The following LAMA5 variants were observed in gnomAD, a reference collection of about 807,000 sequenced individuals.
LAMA5 encodes the protein laminin subunit alpha 5.
Under a neutral mutation model 433.4 loss-of-function variants are expected in LAMA5, and 260 were observed. That is an observed-to-expected ratio of 0.60 (90% confidence interval 0.54 to 0.66). LAMA5 has a LOEUF of 0.66. Ranked by LOEUF, LAMA5 falls within the 30% of genes least tolerant of loss-of-function variation. The pLI, the probability that LAMA5 is intolerant of heterozygous loss-of-function variation, is 0.00. For synonymous variants in LAMA5, 2,620 were observed against 2,226.6 expected, an observed-to-expected ratio of 1.18 and a Z score of -4.97; for missense variants, 5,378 against 5,258.5, an observed-to-expected ratio of 1.02 and a Z score of -0.70.
Position 62,367,253 on chromosome 20 carries a change from G to T in LAMA5, c.-8C>A. On this transcript the variant is annotated 5_prime_UTR_variant, in exon 1 of 80. Coordinates refer to ENST00000252999, the MANE Select transcript of LAMA5 (RefSeq NM_005560.6). The stretch of plus-strand genomic sequence containing the variant: ...GCAGAGCCGCTTCGCCATCTTCCCG[G>T]CTCCGGGCCGCGTCCCCGAGCTCCA... The T allele has an allele frequency of 8.6e-7, 1 of 1,165,596 alleles. No individual in the cohort carries two copies. The highest frequency in any genetic ancestry group is 4.1e-5 in the East Asian group (1 of 24,124). The allele number at this position is 1,165,596 out of a possible 1,614,324, so 72.2% of individuals were successfully genotyped here. A position where few individuals can be genotyped will look rare whatever the true frequency, so the allele number is the denominator to read the frequency against.
In LAMA5 at chr20:62,316,303, G is replaced by C. The variant is rs1986924312; in HGVS notation, c.7757-245C>G. The C allele has an allele frequency of 8.7e-6, 5 of 574,984 alleles. No individual in the cohort carries two copies. The South Asian group carries it at 1.0e-4, about 12-fold the overall frequency. 35.6% of individuals were successfully genotyped at this position (574,984 alleles called of 1,614,324 possible). On this transcript the variant is annotated intron_variant, in intron 57 of 79. Coordinates refer to ENST00000252999, the MANE Select transcript of LAMA5 (RefSeq NM_005560.6). ...TCCCCATTGTACAGATGAAACAATAGAGGCTCAGAAGAGACAGCCCTCTGG... is the reference window on the plus strand; with the variant it reads ...TCCCCATTGTACAGATGAAACAATACAGGCTCAGAAGAGACAGCCCTCTGG...
In LAMA5 at chr20:62,324,373, C is replaced by A; in HGVS notation, c.5643+68G>T. On this transcript the variant is annotated intron_variant, in intron 42 of 79. Transcript: ENST00000252999. The surrounding 1 kb of genome is among the most constrained non-coding windows in gnomAD (Gnocchi z 4.4). ...TTGACCTGGAAGTGCAGCCCCTGGT[C>A]TTCCCTGGCACACTTGACTGTGCCT... 6.9e-7 allele frequency: 1 copy of A among 1,455,498 alleles called. No homozygotes were observed. Among genetic ancestry groups the A allele is most frequent in the South Asian group, 1.2e-5 (1 of 84,318 alleles). 90.2% of individuals were successfully genotyped at this position (1,455,498 alleles called of 1,614,324 possible).
intron 57 of LAMA5, 113 bp from the exon 58 acceptor site, chr20:62,316,171 T>G (rs770834861): frequency 3.7e-5 from 26 of 711,092 alleles, no homozygotes; most frequent in South Asian, 1.7e-4. Context: ...AGCAGACAGA[T>G]GGACAGGGAC....
chr20:62,356,973 C>G (rs1463847276), intron 2 of LAMA5, among the ~76,000 whole-genome samples: 1 of 152,208 alleles, frequency 6.6e-6, no homozygotes, highest in Admixed American at 6.5e-5. Context: ...GTGCTAGGGT[C>G]TGGGCAGCAC....
intron 1 of LAMA5, among the ~76,000 whole-genome samples, chr20:62,366,225 G>C (rs920248280): frequency 3.9e-5 from 6 of 152,212 alleles, no homozygotes; most frequent in African/African-American, 9.6e-5. Context: ...AAGAGCCTTG[G>C]TTTTCAGGTG....
chr20:62,309,856 T>C, intron 78 of LAMA5, 21 bp from the exon 79 acceptor site: 2 of 1,610,598 alleles, frequency 1.2e-6, no homozygotes, highest in Non-Finnish European at 1.7e-6. Flanking sequence ...GGGGGACTCC[T>C]GAGGCCAGGT....
intron 51 of LAMA5, 124 bp from the exon 52 acceptor site, chr20:62,319,137 G>A (rs925829651): frequency 9.2e-5 from 96 of 1,040,298 alleles, no homozygotes; most frequent in Admixed American, 1.2e-4. Flanking sequence ...GAACCTGAGC[G>A]CACCTGGGTG....
intron 11 of LAMA5, among the ~76,000 whole-genome samples, chr20:62,344,871 C>G (rs1983112604): frequency 6.6e-6 from 1 of 151,940 alleles, no homozygotes; most frequent in African/African-American, 2.4e-5. Context: ...AAATGGACCA[C>G]AAGACAATGT....
Position 62,317,014 on chromosome 20 carries a change from C to T in LAMA5, c.7521G>A (p.Leu2507=). 2.0e-6 allele frequency: 3 copies of T among 1,529,848 alleles called. No individual in the cohort carries two copies. The highest frequency in any genetic ancestry group is 2.1e-5 in the Admixed American group (1 of 48,132). The allele number at this position is 1,529,848 out of a possible 1,614,324, so 94.8% of individuals were successfully genotyped here. A position where few individuals can be genotyped will look rare whatever the true frequency, so the allele number is the denominator to read the frequency against. The change falls in exon 56 of 80, where the codon CTG becomes CTA. Residue 2507 remains leucine (L), a synonymous_variant. Coordinates refer to ENST00000252999, the MANE Select transcript of LAMA5 (RefSeq NM_005560.6). ...QLALNLSSII[L]DVNQDRLTQR... Reference sequence around the variant, plus strand: ...GGGTGAGGCGGTCCTGGTTGACGTCCAGGATGATGCTGCAGCGGAAGGGAG... The same window carrying T: ...GGGTGAGGCGGTCCTGGTTGACGTCTAGGATGATGCTGCAGCGGAAGGGAG...
At position 62,315,678 on chromosome 20, in the gene LAMA5, T is replaced by C. The variant is rs1045919152; in HGVS notation, c.7867+270A>G. 5.9e-5 allele frequency among the ~76,000 whole-genome samples: 9 copies of C among 151,756 alleles called. No homozygotes were observed. In the East Asian group the frequency reaches 7.8e-4, roughly 13 times the overall value. ...GCCCTTCCTGCAGGGTGTGCCCCAA[T>C]CCCCCCCAAGGCCTACAGCCCTCCC... On this transcript the variant is annotated intron_variant, in intron 58 of 79. Coordinates refer to ENST00000252999, the MANE Select transcript of LAMA5 (RefSeq NM_005560.6).
intron 11 of LAMA5, among the ~76,000 whole-genome samples, chr20:62,339,226 AGTTTCTT>A (rs1982189137): frequency 7.4e-6 from 1 of 135,722 alleles, no homozygotes; most frequent in Non-Finnish European, 1.5e-5. Context: ...AACAAATTAT[AGTTTCTT>A]TTTTTTTTTT....
Position 62,324,825 on chromosome 20 carries a change from C to T in LAMA5, c.5530-271G>A. 2.0e-6 allele frequency: 1 copy of T among 500,630 alleles called. No homozygotes were observed. The allele number at this position is 500,630 out of a possible 1,614,324, so 31.0% of individuals were successfully genotyped here. ...ATGACCAGGCCTTGGGGCTGGTGAC[C>T]ACCCACTCCATGTGGACCAGGGCCT... On this transcript the variant is annotated intron_variant, in intron 41 of 79. Coordinates refer to ENST00000252999, the MANE Select transcript of LAMA5 (RefSeq NM_005560.6). This position sits in a 1 kb window ranked among gnomAD's most constrained non-coding sequence, Gnocchi z 4.4.
chr20:62,358,201 G>C (rs1446640437), intron 2 of LAMA5, among the ~76,000 whole-genome samples: 1 of 152,130 alleles, frequency 6.6e-6, no homozygotes, highest in Non-Finnish European at 1.5e-5. Context: ...GGAGAGGAGC[G>C]GCCCCATCCC....
chr20:62,348,359 C>T (rs777566510), intron 6 of LAMA5, among the ~76,000 whole-genome samples: 7 of 152,204 alleles, frequency 4.6e-5, no homozygotes, highest in Non-Finnish European at 1.0e-4. Context: ...AATCCCAGCA[C>T]TTTGGGAAGC....
At chr20:62,356,889 C>T (rs1420239273) in intron 2 of LAMA5, among the ~76,000 whole-genome samples, 2 of 152,262 alleles carry the variant, frequency 1.3e-5, no homozygotes, top group African/African-American at 4.8e-5. Context: ...CCCGCAGAGA[C>T]GCTGAGAGGC....
At chr20:62,345,468 G>A (rs1235380872) in intron 11 of LAMA5, 1 of 408,680 alleles carries the variant, frequency 2.4e-6, no homozygotes, top group African/African-American at 2.0e-5. Context: ...GTGCTGTGGT[G>A]TGATCATGGC....
Position 62,322,485 on chromosome 20 carries a change from T to C in LAMA5, c.6166-36A>G, listed in dbSNP as rs114490377. 2,120 of 1,547,218 alleles carry C rather than the reference T, an allele frequency of 1.4e-3. 21 individuals carry two copies. In the African/African-American group the frequency reaches 0.024, roughly 17 times the overall value. On this transcript the variant is annotated intron_variant, in intron 46 of 79. Coordinates refer to ENST00000252999, the MANE Select transcript of LAMA5 (RefSeq NM_005560.6). ...GGCTGGTCACTGCCCTGCCCAGCCCTCAAGACTGTCCCAGACCAACCTGGA... is the reference window on the plus strand; with the variant it reads ...GGCTGGTCACTGCCCTGCCCAGCCCCCAAGACTGTCCCAGACCAACCTGGA...
chr20:62,364,051 C>T (rs1302202388), intron 1 of LAMA5, among the ~76,000 whole-genome samples: 3 of 152,212 alleles, frequency 2.0e-5, no homozygotes, highest in Non-Finnish European at 4.4e-5. Context: ...CAGAGCTCTG[C>T]AGTGGCAGGG....
rs753325437 is a variant in LAMA5, at chr20:62,309,735, CAG to C, written c.10927_10928del (p.Leu3643ValfsTer7). ...ACTCACCAGGCAGGCCCCCGAGGTACAGAGGGGCTGGGGCACCAGCTGCAGCC... is the reference window on the plus strand; with the variant it reads ...ACTCACCAGGCAGGCCCCCGAGGTACAGGGGCTGGGGCACCAGCTGCAGCC... ...LAAAAGAPAP[L>X]YLGGLPEPMA... On this transcript the variant is annotated frameshift_variant, in exon 79 of 80. Coordinates refer to ENST00000252999, the MANE Select transcript of LAMA5 (RefSeq NM_005560.6). LOFTEE classifies it low-confidence loss of function (END_TRUNC). 19 of 1,601,668 alleles carry C rather than the reference CAG, an allele frequency of 1.2e-5. No homozygotes were observed. In the South Asian group the frequency reaches 2.0e-4, roughly 17 times the overall value.
Sources: gnomAD v4.1 joint callset for allele counts (sites outside exome capture counted in the v4.1 genomes callset) on GRCh38, gnomAD v4.1.1 for gene constraint, Gnocchi (gnomAD v3.1) non-coding constraint, MANE v1.5 for transcripts, NCBI Gene and HGNC (gene_info 2026-07-23, HGNC 2026-07-21) for gene names.